NKD1: variants seen among roughly 807,000 people sequenced by gnomAD.
NKD1 encodes protein naked cuticle homolog 1.
Under a neutral mutation model 56.0 loss-of-function variants are expected in NKD1, and 21 were observed. That is an observed-to-expected ratio of 0.38 (90% CI 0.27 to 0.54). The LOEUF (loss-of-function observed/expected upper bound fraction) is 0.54. Among genes scored for constraint, NKD1 ranks in the 20% least tolerant of loss-of-function variants. NKD1 has a pLI of 0.82. For missense variants in NKD1, 578 were observed against 642.7 expected (o/e 0.90, Z 1.09); for synonymous variants, 263 against 265.7 (o/e 0.99, Z 0.10).
chr16:50,616,076 C>T (rs943588598), intron 4 of NKD1: 12 of 455,812 alleles, frequency 2.6e-5, no homozygotes, highest in Admixed American at 4.7e-5. Flanking sequence ...TGGACTCAAA[C>T]ATCTTGGCAA....
intron 3 of NKD1, among the ~76,000 whole-genome samples, chr16:50,581,796 G>T (rs1195161146): frequency 6.6e-6 from 1 of 152,226 alleles, no homozygotes; most frequent in African/African-American, 2.4e-5. Flanking sequence ...GCTTACAGAG[G>T]AGTGGGACCT....
chr16:50,574,669 C>T, intron 3 of NKD1: 1 of 985,442 alleles, frequency 1.0e-6, no homozygotes, highest in Non-Finnish European at 1.2e-6. Context: ...GTCCCCTCCC[C>T]ACCTCCTTGC....
intron 3 of NKD1, among the ~76,000 whole-genome samples, chr16:50,562,597 G>A (rs763984070): frequency 5.3e-5 from 8 of 152,212 alleles, no homozygotes; most frequent in Non-Finnish European, 1.2e-4. Flanking sequence ...ACTCGATGCG[G>A]CCGAGGACCA....
At chr16:50,567,612 G>A (rs1295105283) in intron 3 of NKD1, among the ~76,000 whole-genome samples, 1 of 152,174 alleles carries the variant, frequency 6.6e-6, no homozygotes, top group Non-Finnish European at 1.5e-5. Context: ...CTTGGCCAAG[G>A]ACAGGCCACA....
rs190218879 is a variant in NKD1 at position 50,607,171 on chromosome 16, G to A, written c.193-1123G>A. The A allele has an allele frequency of 5.3e-3, 1,872 of 353,528 alleles. 15 individuals carry two copies. In the Middle Eastern group the frequency reaches 0.054, roughly 10 times the overall value. The allele number at this position is 353,528 out of a possible 1,614,324, so 21.9% of individuals were successfully genotyped here. The stretch of plus-strand genomic sequence containing the variant: ...AATGCCCTAGAAAGATTTGAAAGAA[G>A]AAAGAGAACAGCCACAAAATGTTAG... On this transcript the variant is annotated intron_variant, in intron 3 of 9. Transcript: ENST00000268459.
At chr16:50,560,823 C>CATCT (rs150440223) in intron 3 of NKD1, among the ~76,000 whole-genome samples, 13,621 of 148,528 alleles carry the variant, frequency 0.092, 686 homozygotes, top group African/African-American at 0.14. Context: ...TACCCAAACC[C>CATCT]ATCTATCTAT....
At chr16:50,592,422 T>C (rs1961387536) in intron 3 of NKD1, among the ~76,000 whole-genome samples, 1 of 152,220 alleles carries the variant, frequency 6.6e-6, no homozygotes, top group African/African-American at 2.4e-5. Context: ...GATGGTTTTA[T>C]CGATGCACAG....
intron 3 of NKD1, among the ~76,000 whole-genome samples, chr16:50,585,256 A>G (rs1052327752): frequency 1.2e-4 from 18 of 152,148 alleles, no homozygotes; most frequent in African/African-American, 4.3e-4. Context: ...AAAGTCCCTC[A>G]TGGGTGCTTG....
chr16:50,632,477 T>C lies in NKD1; in HGVS notation c.823+69T>C, dbSNP rs1962368792. 1 of 1,548,738 alleles carries C rather than the reference T, an allele frequency of 6.5e-7. No homozygotes were observed. The highest frequency in any genetic ancestry group is 1.1e-5 in the South Asian group (1 of 88,050). On this transcript the variant is annotated intron_variant, in intron 9 of 9. Transcript: ENST00000268459. This position sits in a 1 kb window ranked among gnomAD's most constrained non-coding sequence, Gnocchi z 4.1. Reference sequence around the variant, plus strand: ...GTGGCTGGACGGGCCAGGCGGGCCGTGCGGGTGGTGTTCACTGCTACCCCA... The same window carrying C: ...GTGGCTGGACGGGCCAGGCGGGCCGCGCGGGTGGTGTTCACTGCTACCCCA...
intron 3 of NKD1, among the ~76,000 whole-genome samples, chr16:50,549,918 G>A (rs549686426): frequency 2.0e-5 from 3 of 152,246 alleles, no homozygotes; most frequent in Non-Finnish European, 4.4e-5. Context: ...AGAGAGAAGG[G>A]GGTATTAGGG....
At chr16:50,602,205 T>C (rs1385206713) in intron 3 of NKD1, among the ~76,000 whole-genome samples, 3 of 152,088 alleles carry the variant, frequency 2.0e-5, no homozygotes, top group Non-Finnish European at 4.4e-5. Flanking sequence ...GGGAGAGGTA[T>C]ATGTGAGAGA....
At chr16:50,548,867 C>A in intron 2 of NKD1, 118 bp downstream of exon 2, 2 of 1,172,496 alleles carry the variant, frequency 1.7e-6, no homozygotes, top group Non-Finnish European at 2.2e-6. Context: ...CCAGTTCCGG[C>A]CACCGGCCCC....
chr16:50,563,439 G>C (rs982834230), intron 3 of NKD1, among the ~76,000 whole-genome samples: 1 of 150,442 alleles, frequency 6.6e-6, no homozygotes, highest in African/African-American at 2.5e-5. Context: ...CCATGGAGAA[G>C]ACCCTGTGTG....
At chr16:50,560,351 C>T (rs1310944569) in intron 3 of NKD1, among the ~76,000 whole-genome samples, 2 of 152,184 alleles carry the variant, frequency 1.3e-5, no homozygotes, top group Non-Finnish European at 2.9e-5. Flanking sequence ...AGCTGCAGCC[C>T]GAGGAGGAGG....
At chr16:50,610,705 A>G (rs557206202) in intron 4 of NKD1, among the ~76,000 whole-genome samples, 1 of 152,216 alleles carries the variant, frequency 6.6e-6, no homozygotes, top group African/African-American at 2.4e-5. Flanking sequence ...TCTTTTAGCC[A>G]TCCCAGGAGA....
At chr16:50,597,113 A>G (rs1020560188) in intron 3 of NKD1, among the ~76,000 whole-genome samples, 2 of 152,126 alleles carry the variant, frequency 1.3e-5, no homozygotes, top group African/African-American at 2.4e-5. Flanking sequence ...AGAGAATAGA[A>G]AATGGTTGTC....
chr16:50,583,326 G>GGAGAGT (rs1222864426), intron 3 of NKD1, among the ~76,000 whole-genome samples: 2 of 152,232 alleles, frequency 1.3e-5, no homozygotes, highest in Non-Finnish European at 2.9e-5. Flanking sequence ...GAGGTCACGT[G>GGAGAGT]GAGAGTGAGG....
chr16:50,560,850 C>CTATT (rs1555487419), intron 3 of NKD1, among the ~76,000 whole-genome samples: 1 of 151,842 alleles, frequency 6.6e-6, no homozygotes, highest in Non-Finnish European at 1.5e-5. Flanking sequence ...ATCTATCTAT[C>CTATT]TATCTATCTA....
At chr16:50,621,157 C>T (rs563745418) in intron 4 of NKD1, among the ~76,000 whole-genome samples, 13 of 152,364 alleles carry the variant, frequency 8.5e-5, no homozygotes, top group East Asian at 5.8e-4. Context: ...ACCAAGGTGC[C>T]GTAGGCTGTG....
Sources: gnomAD v4.1 joint callset for allele counts (sites outside exome capture counted in the v4.1 genomes callset) on GRCh38, gnomAD v4.1.1 for gene constraint, Gnocchi (gnomAD v3.1) non-coding constraint, MANE v1.5 for transcripts, NCBI Gene and HGNC (gene_info 2026-07-23, HGNC 2026-07-21) for gene names.